RIN2: variants seen among roughly 807,000 people sequenced by gnomAD.
RIN2 encodes RAB5 interacting protein 2.
In RIN2, 36 loss-of-function variants were observed where a neutral mutation model predicts 78.0. The observed-to-expected ratio is 0.46, with a 90% CI of 0.35 to 0.61. RIN2 has a LOEUF of 0.61. Ranked by LOEUF, RIN2 falls within the 20% of genes least tolerant of loss-of-function variation. The pLI is 0.00. For synonymous variants in RIN2, 466 were observed against 466.8 expected (o/e 1.00, Z 0.02); for missense variants, 1,087 against 1,159.7 (o/e 0.94, Z 0.91).
chr20:19,901,220 G>T (rs900542554), intron 3 of RIN2, among the ~76,000 whole-genome samples: 1 of 152,126 alleles, frequency 6.6e-6, no homozygotes, highest in African/African-American at 2.4e-5. Context: ...ACTGTCTGTT[G>T]GTCAGATACA....
intron 1 of RIN2, among the ~76,000 whole-genome samples, chr20:19,786,646 G>A (rs1248384813): frequency 6.6e-6 from 1 of 152,118 alleles, no homozygotes; most frequent in African/African-American, 2.4e-5. Context: ...GAGTCTTGCG[G>A]TGACTAGTTA....
At chr20:19,814,339 C>T (rs1028635020) in intron 2 of RIN2, among the ~76,000 whole-genome samples, 1 of 152,188 alleles carries the variant, frequency 6.6e-6, no homozygotes, top group Non-Finnish European at 1.5e-5. Context: ...GGTAGGTGGA[C>T]GTGAGGTCGC....
At chr20:19,773,064 C>T (rs185692391) in intron 1 of RIN2, among the ~76,000 whole-genome samples, 50 of 152,320 alleles carry the variant, frequency 3.3e-4, no homozygotes, top group South Asian at 1.7e-3. Flanking sequence ...GTTGGCAGGG[C>T]TGTGCTCCCT....
chr20:19,761,341 T>A (rs1334086187), intron 1 of RIN2, among the ~76,000 whole-genome samples: 1 of 152,242 alleles, frequency 6.6e-6, no homozygotes, highest in Admixed American at 6.5e-5. Flanking sequence ...GATGCAGTTT[T>A]GCTAAACAAT....
intron 2 of RIN2, among the ~76,000 whole-genome samples, chr20:19,822,546 C>T (rs2035957582): frequency 6.6e-6 from 1 of 152,136 alleles, no homozygotes; most frequent in African/African-American, 2.4e-5. Flanking sequence ...GTCTTCATTC[C>T]ATCCGGTATT....
Position 19,919,634 on chromosome 20 carries a change from C to T in RIN2, c.58-15465C>T, listed in dbSNP as rs568710038. ...CAGCCTGGCCAACATGGTGAAACCC[C>T]GTCTCTACTATAAATACAAAAATTA... is the stretch of plus-strand genomic sequence containing the variant. On this transcript the variant is annotated intron_variant, in intron 3 of 12. Coordinates refer to ENST00000255006, the MANE Select transcript of RIN2 (RefSeq NM_018993.4). Among the ~76,000 whole-genome samples, 16 of 151,838 alleles carry T rather than the reference C, an allele frequency of 1.1e-4. No homozygotes were observed. The East Asian group carries it at 2.9e-3, about 28-fold the overall frequency.
At chr20:19,770,781 T>G (rs1203088091) in intron 1 of RIN2, among the ~76,000 whole-genome samples, 1 of 150,870 alleles carries the variant, frequency 6.6e-6, no homozygotes, top group African/African-American at 2.4e-5. Context: ...ATGTGTGGGG[T>G]TTTTCCCCAC....
chr20:19,812,070 T>A (rs1008836940), intron 2 of RIN2, among the ~76,000 whole-genome samples: 1 of 152,118 alleles, frequency 6.6e-6, no homozygotes, highest in African/African-American at 2.4e-5. Context: ...TCTTTTTTTT[T>A]ACCACTGAAT....
intron 2 of RIN2, among the ~76,000 whole-genome samples, chr20:19,811,668 G>A (rs2035604189): frequency 6.6e-6 from 1 of 152,160 alleles, no homozygotes; most frequent in Non-Finnish European, 1.5e-5. Flanking sequence ...ATGGAGAAAT[G>A]AGATCTTTTC....
intron 1 of RIN2, among the ~76,000 whole-genome samples, chr20:19,770,877 C>A (rs1007382014): frequency 1.3e-4 from 18 of 138,206 alleles, no homozygotes; most frequent in African/African-American, 2.0e-4. Flanking sequence ...GCCCCCACCC[C>A]CCCCCCCCAC....
At chr20:19,813,705 TAACA>T (rs57396995) in intron 2 of RIN2, among the ~76,000 whole-genome samples, 3,637 of 152,302 alleles carry the variant, frequency 0.024, 149 homozygotes, top group African/African-American at 0.083. Context: ...AAATGTTCTG[TAACA>T]AACATGTATT....
At chr20:19,973,255 G>A (rs1196565507) in intron 8 of RIN2, among the ~76,000 whole-genome samples, 2 of 152,202 alleles carry the variant, frequency 1.3e-5, no homozygotes, top group African/African-American at 4.8e-5. Flanking sequence ...GGTTGTACTA[G>A]CCAACTTCAA....
At chr20:19,866,302 A>G (rs1289296478) in intron 2 of RIN2, among the ~76,000 whole-genome samples, 1 of 152,184 alleles carries the variant, frequency 6.6e-6, no homozygotes, top group African/African-American at 2.4e-5. Flanking sequence ...GTAAATACAG[A>G]TGAAGCTTCA....
chr20:19,994,663 G>A (rs150724570), intron 11 of RIN2, among the ~76,000 whole-genome samples: 1 of 152,120 alleles, frequency 6.6e-6, no homozygotes, highest in Non-Finnish European at 1.5e-5. Context: ...ACAGTTCTCC[G>A]AGTCCTTGCT....
intron 2 of RIN2, among the ~76,000 whole-genome samples, chr20:19,880,284 T>G (rs1340406338): frequency 6.6e-6 from 1 of 151,754 alleles, no homozygotes; most frequent in African/African-American, 2.4e-5. Context: ...CCAGCATGTT[T>G]TGTGGGTCAA....
chr20:19,821,910 G>A (rs1293703125), intron 2 of RIN2, among the ~76,000 whole-genome samples: 1 of 152,162 alleles, frequency 6.6e-6, no homozygotes, highest in African/African-American at 2.4e-5. Flanking sequence ...CATTATAGAT[G>A]TTCAGTCATG....
At chr20:19,851,055 A>AG (rs1491409004) in intron 2 of RIN2, among the ~76,000 whole-genome samples, 617 of 55,344 alleles carry the variant, frequency 0.011, 7 homozygotes, top group Non-Finnish European at 0.016. Context: ...GGAAGGAGAA[A>AG]GAAAGGAAGG....
At chr20:19,812,043 A>T (rs766291314) in intron 2 of RIN2, among the ~76,000 whole-genome samples, 1 of 145,842 alleles carries the variant, frequency 6.9e-6, no homozygotes, top group Non-Finnish European at 1.5e-5. Context: ...ACGTTGTAGC[A>T]GGTATCAATA....
chr20:19,946,447 G>A (rs1255247781), intron 4 of RIN2, among the ~76,000 whole-genome samples: 1 of 152,184 alleles, frequency 6.6e-6, no homozygotes, highest in African/African-American at 2.4e-5. Context: ...CGGCGCCGGG[G>A]TTCACACCTG....
Sources: allele counts gnomAD v4.1 joint callset (sites outside exome capture counted in the v4.1 genomes callset), GRCh38; gene constraint gnomAD v4.1.1; transcripts MANE v1.5; gene names NCBI Gene and HGNC (gene_info 2026-07-23, HGNC 2026-07-21).